SPATA17: variants seen among roughly 807,000 people sequenced by gnomAD.
The protein encoded by SPATA17 is spermatogenesis associated 17, also known as spermatogenesis-associated protein 17.
A neutral mutation model predicts 62.2 loss-of-function variants in SPATA17; 53 were observed. That is an observed-to-expected ratio of 0.85 (90% CI 0.68 to 1.07). The LOEUF is 1.07. SPATA17 is among the 50% of genes least tolerant of loss of function. SPATA17 has a pLI of 0.00. For synonymous variants in SPATA17, 146 were observed against 146.8 expected (o/e 0.99, Z 0.04); for missense variants, 466 against 425.5 (o/e 1.10, Z -0.84).
chr1:217,742,170 G>C (rs974667897), intron 6 of SPATA17, 72 bp downstream of exon 6: 2 of 1,560,172 alleles, frequency 1.3e-6, no homozygotes, highest in Admixed American at 1.8e-5. Context: ...AAACTAGCAG[G>C]CTGAATGGGA....
At chr1:217,779,713 A>G (rs1673688694) in intron 7 of SPATA17, among the ~76,000 whole-genome samples, 1 of 150,862 alleles carries the variant, frequency 6.6e-6, no homozygotes, top group African/African-American at 2.4e-5. Context: ...CCTGTGTGTT[A>G]CCAATAATAA....
intron 6 of SPATA17, among the ~76,000 whole-genome samples, chr1:217,763,930 T>G (rs911350276): frequency 6.6e-6 from 1 of 152,124 alleles, no homozygotes; most frequent in Non-Finnish European, 1.5e-5. Flanking sequence ...TTTAGAGCAG[T>G]TTTAGATTTA....
intron 5 of SPATA17, among the ~76,000 whole-genome samples, chr1:217,726,057 A>G (rs997189191): frequency 6.6e-6 from 1 of 152,194 alleles, no homozygotes; most frequent in Non-Finnish European, 1.5e-5. Context: ...GAGTAATGTT[A>G]TACCTTACCA....
At chr1:217,793,002 G>T (rs923263637) in intron 8 of SPATA17, among the ~76,000 whole-genome samples, 1 of 152,112 alleles carries the variant, frequency 6.6e-6, no homozygotes, top group Non-Finnish European at 1.5e-5. Flanking sequence ...TCTATTTGAG[G>T]TTCCTCTAGT....
At chr1:217,665,895 T>A (rs1397654971) in intron 3 of SPATA17, among the ~76,000 whole-genome samples, 1 of 152,308 alleles carries the variant, frequency 6.6e-6, no homozygotes, top group Admixed American at 6.5e-5. Context: ...AAAGGCCACA[T>A]AGAGCTAACA....
intron 9 of SPATA17, among the ~76,000 whole-genome samples, chr1:217,860,532 T>A (rs1289566545): frequency 6.6e-6 from 1 of 152,214 alleles, no homozygotes; most frequent in Non-Finnish European, 1.5e-5. Context: ...CTTGCAGTTC[T>A]ATCAATTTTT....
At chr1:217,769,929 T>G (rs765377798) in intron 6 of SPATA17, among the ~76,000 whole-genome samples, 1 of 152,236 alleles carries the variant, frequency 6.6e-6, no homozygotes, top group Non-Finnish European at 1.5e-5. Flanking sequence ...GTGTTAACAC[T>G]CTGACTATCT....
intron 4 of SPATA17, among the ~76,000 whole-genome samples, chr1:217,674,736 G>A (rs959260631): frequency 6.6e-6 from 1 of 152,172 alleles, no homozygotes; most frequent in Non-Finnish European, 1.5e-5. Flanking sequence ...CAGCTGGTTC[G>A]GTCCCTTGCC....
intron 5 of SPATA17, among the ~76,000 whole-genome samples, chr1:217,702,266 C>T (rs1374847577): frequency 6.6e-6 from 1 of 152,044 alleles, no homozygotes; most frequent in African/African-American, 2.4e-5. Flanking sequence ...TTGAACTTAA[C>T]ACAGAATTGA....
chr1:217,759,743 A>T (rs1028082169), intron 6 of SPATA17, among the ~76,000 whole-genome samples: 1 of 152,198 alleles, frequency 6.6e-6, no homozygotes, highest in Non-Finnish European at 1.5e-5. Flanking sequence ...AGAAGTCTTC[A>T]GAAAAGTAGT....
intron 1 of SPATA17, among the ~76,000 whole-genome samples, chr1:217,644,765 T>C (rs144415097): frequency 2.6e-5 from 4 of 152,110 alleles, no homozygotes; most frequent in Admixed American, 1.3e-4. Context: ...TCCAGTTATT[T>C]CTTGATGTTT....
At chr1:217,649,279 G>T (rs913656052) in intron 2 of SPATA17, among the ~76,000 whole-genome samples, 2 of 152,088 alleles carry the variant, frequency 1.3e-5, no homozygotes, top group African/African-American at 4.8e-5. Context: ...AGGAGTTTGA[G>T]ATCAGCCTGG....
chr1:217,679,616 T>A (rs970830215), intron 4 of SPATA17, among the ~76,000 whole-genome samples: 8 of 152,344 alleles, frequency 5.3e-5, no homozygotes, highest in Admixed American at 5.2e-4. Flanking sequence ...ACTTATTACA[T>A]TCTTTAATAT....
Position 217,720,161 on chromosome 1 carries a change from GT to G in SPATA17, c.396-21812del, listed in dbSNP as rs570231661. Reference sequence around the variant, plus strand: ...CAGAACCCTTTATTTTCAGACTAATGTTATACAAATTAGTAAAGGTAAAATG... The same window carrying G: ...CAGAACCCTTTATTTTCAGACTAATGTATACAAATTAGTAAAGGTAAAATG... On this transcript the variant is annotated intron_variant, in intron 5 of 10. Coordinates refer to ENST00000366933, the MANE Select transcript of SPATA17 (RefSeq NM_138796.4). 3.9e-5 allele frequency among the ~76,000 whole-genome samples: 6 copies of G among 152,206 alleles called. No individual in the cohort carries two copies. In the South Asian group the frequency reaches 1.2e-3, roughly 32 times the overall value.
intron 5 of SPATA17, among the ~76,000 whole-genome samples, chr1:217,687,259 T>C (rs1671238037): frequency 6.6e-6 from 1 of 152,090 alleles, no homozygotes; most frequent in South Asian, 2.1e-4. Flanking sequence ...CATATTCTAA[T>C]TGCATTTTTT....
intron 8 of SPATA17, among the ~76,000 whole-genome samples, chr1:217,793,164 A>G (rs1674041155): frequency 6.6e-6 from 1 of 151,786 alleles, no homozygotes; most frequent in Admixed American, 6.6e-5. Flanking sequence ...GAGAAACTAT[A>G]TAGAGAGAAG....
In SPATA17 at chr1:217,838,408, G is replaced by A. The variant is rs372433850; in HGVS notation, c.1006-24366G>A. 5.7e-4 allele frequency among the ~76,000 whole-genome samples: 87 copies of A among 151,840 alleles called. 1 individual carries two copies. Among genetic ancestry groups the A allele is most frequent in the Non-Finnish European group, 2.1e-4 (14 of 67,982 alleles). On this transcript the variant is annotated intron_variant, in intron 9 of 10. Coordinates refer to ENST00000366933, the MANE Select transcript of SPATA17 (RefSeq NM_138796.4). ...CACCAGTTTCTTCAGCTATGTCTGCGTTTTCTACATCTCACTAAACTATTT... is the reference window on the plus strand; with the variant it reads ...CACCAGTTTCTTCAGCTATGTCTGCATTTTCTACATCTCACTAAACTATTT...
At chr1:217,736,434 G>T (rs1044906856) in intron 5 of SPATA17, among the ~76,000 whole-genome samples, 1 of 152,184 alleles carries the variant, frequency 6.6e-6, no homozygotes, top group Admixed American at 6.5e-5. Context: ...ATGTATGATT[G>T]TAAATTTTAT....
intron 6 of SPATA17, among the ~76,000 whole-genome samples, chr1:217,744,121 AATTTCATTTC>A (rs1019561798): frequency 1.3e-5 from 2 of 152,102 alleles, no homozygotes; most frequent in African/African-American, 2.4e-5. Flanking sequence ...TTCTTTAACT[AATTTCATTTC>A]ATTTCATTTC....
Sources: allele counts gnomAD v4.1 joint callset (sites outside exome capture counted in the v4.1 genomes callset), GRCh38; gene constraint gnomAD v4.1.1; transcripts MANE v1.5; gene names NCBI Gene and HGNC (gene_info 2026-07-23, HGNC 2026-07-21).